BDP1: variants seen among roughly 807,000 people sequenced by gnomAD.
BDP1 encodes the protein transcription factor TFIIIB component B'' homolog.
BDP1 carries 169 observed loss-of-function variants against 266.6 expected under a neutral mutation model. The ratio of observed to expected loss-of-function variants is 0.63; its 90% CI spans 0.56 to 0.72. The LOEUF (loss-of-function observed/expected upper bound fraction) is 0.72, where lower values mean the gene tolerates loss of function less well. BDP1 is among the 30% of genes least tolerant of loss of function. BDP1 has a pLI of 0.00. For missense variants in BDP1, 3,015 were observed against 3,053.8 expected, an observed-to-expected ratio of 0.99 and a Z score of 0.30; for synonymous variants, 1,090 against 1,022.4, an observed-to-expected ratio of 1.07 and a Z score of -1.26.
At chr5:71,494,607 T>C (rs1192966590) in intron 11 of BDP1, 1 of 152,276 alleles carries the variant, frequency 6.6e-6, no homozygotes, top group Non-Finnish European at 1.5e-5. Context: ...CACAGTACCC[T>C]GCATAGCAAG....
chr5:71,481,934 G>A (rs989148693), intron 7 of BDP1, among the ~76,000 whole-genome samples: 1 of 152,082 alleles, frequency 6.6e-6, no homozygotes, highest in Non-Finnish European at 1.5e-5. Flanking sequence ...CTACATCCCT[G>A]GTAGAGAAAG....
intron 22 of BDP1, among the ~76,000 whole-genome samples, chr5:71,518,697 G>A (rs1459133271): frequency 5.3e-5 from 8 of 151,654 alleles, no homozygotes; most frequent in South Asian, 2.1e-4. Context: ...CAAGTGAACC[G>A]CCCATCTCGG....
In BDP1 at chr5:71,469,725, T is replaced by A. The variant is rs144201036; in HGVS notation, c.920-670T>A. ...GCCTCCCGGGTTCAAGCTATTCTTC[T>A]GCCTCAGCCTCCCCAGTAGCTGGGA... On this transcript the variant is annotated intron_variant, in intron 6 of 38. Transcript: ENST00000358731. 4.2e-3 allele frequency among the ~76,000 whole-genome samples: 637 copies of A among 152,196 alleles called. 10 individuals carry two copies. The highest frequency in any genetic ancestry group is 0.014 in the African/African-American group (595 of 41,538).
chr5:71,562,877 C>A, intron 38 of BDP1: 1 of 1,291,008 alleles, frequency 7.7e-7, no homozygotes, highest in Non-Finnish European at 1.0e-6. Context: ...ATTTCTATGT[C>A]TCCTGAAGCT....
chr5:71,505,703 A>G (rs1173911669), intron 16 of BDP1, among the ~76,000 whole-genome samples: 1 of 152,214 alleles, frequency 6.6e-6, no homozygotes, highest in Non-Finnish European at 1.5e-5. Flanking sequence ...GTATTAGCCT[A>G]TTTAAATAGT....
At chr5:71,496,872 T>TG (rs1763930193) in intron 12 of BDP1, among the ~76,000 whole-genome samples, 1 of 152,240 alleles carries the variant, frequency 6.6e-6, no homozygotes, top group African/African-American at 2.4e-5. Flanking sequence ...CGTGAGCCAC[T>TG]GCGCCCGGCC....
At chr5:71,511,324 C>T (rs1175416228) in intron 17 of BDP1, 173 bp downstream of exon 17, 5 of 656,288 alleles carry the variant, frequency 7.6e-6, no homozygotes, top group African/African-American at 1.8e-5. Flanking sequence ...ACTGTATGTT[C>T]TTTTTTAAAA....
intron 13 of BDP1, among the ~76,000 whole-genome samples, chr5:71,500,265 T>G (rs573563096): frequency 6.6e-6 from 1 of 151,512 alleles, no homozygotes; most frequent in Non-Finnish European, 1.5e-5. Flanking sequence ...CAAAAATTAC[T>G]TGTAATTTTT....
chr5:71,460,483 A>T (rs1761482769), intron 2 of BDP1, among the ~76,000 whole-genome samples: 1 of 152,172 alleles, frequency 6.6e-6, no homozygotes, highest in Non-Finnish European at 1.5e-5. Flanking sequence ...AGTTTTTTTT[A>T]AATTAAGGGA....
rs1761348208 is a variant in BDP1 at position 71,458,658 on chromosome 5, A to G, written c.292A>G (p.Ile98Val). 2 of 1,613,774 alleles carry G rather than the reference A, an allele frequency of 1.2e-6. No individual in the cohort carries two copies. Among genetic ancestry groups the G allele is most frequent in the South Asian group, 1.1e-5 (1 of 91,084 alleles). Reference protein sequence around the residue: ...SSTVSQRRKRISSTSSLVKSS... With the variant: ...SSTVSQRRKRVSSTSSLVKSS... Reference sequence around the variant, plus strand: ...TACTGTTTCACAGAGAAGAAAGCGAATATCAAGTACTTCTAGCCTGGTTAA... The same window carrying G: ...TACTGTTTCACAGAGAAGAAAGCGAGTATCAAGTACTTCTAGCCTGGTTAA... The change falls in exon 2 of 39, where the codon ATA becomes GTA. Residue 98 changes from isoleucine to valine, a missense_variant. Ile to Val is a conservative substitution (Grantham distance 29). Coordinates refer to ENST00000358731, the MANE Select transcript of BDP1 (RefSeq NM_018429.3).
At chr5:71,460,544 CTA>C (rs1220668919) in intron 2 of BDP1, among the ~76,000 whole-genome samples, 1 of 152,092 alleles carries the variant, frequency 6.6e-6, no homozygotes. Flanking sequence ...ATTATATCAA[CTA>C]TGTGAAGTAG....
Position 71,525,680 on chromosome 5 carries a change from C to CA in BDP1, c.5772+1357_5772+1358insA, listed in dbSNP as rs1554122193. Among the ~76,000 whole-genome samples, 21 of 107,950 alleles carry CA rather than the reference C, an allele frequency of 1.9e-4. 1 individual carries two copies. The South Asian group carries it at 5.2e-3, about 27-fold the overall frequency. 70.8% of individuals were successfully genotyped at this position (107,950 alleles called of 152,430 possible). A position where few individuals can be genotyped will look rare whatever the true frequency, so the allele number is the denominator to read the frequency against. Reference sequence around the variant, plus strand: ...CTTCCGGACGGGGTGGCTGGCCGGGCGGGGGGCTGACCCCCCACCTCCCTT... The same window carrying CA: ...CTTCCGGACGGGGTGGCTGGCCGGGCAGGGGGGCTGACCCCCCACCTCCCTT... On this transcript the variant is annotated intron_variant, in intron 25 of 38. Transcript: ENST00000358731.
chr5:71,570,689 C>T (rs1430469712), downstream of BDP1, among the ~76,000 whole-genome samples: 1 of 152,262 alleles, frequency 6.6e-6, no homozygotes, highest in Non-Finnish European at 1.5e-5. Context: ...TGCTGCCTGG[C>T]TTCTTCCAGT....
chr5:71,553,275 A>T lies in BDP1; in HGVS notation c.7155A>T (p.Lys2385Asn). Residue 2385 changes from lysine to asparagine, a missense_variant, in exon 35 of 39, where the codon AAA becomes AAT. Physicochemically the swap from Lys to Asn is moderately conservative, Grantham distance 94. This residue lies in a region of BDP1 where 629 missense variants were observed against 632.5 expected (regional missense o/e 0.99). Transcript: ENST00000358731. ...DKNDHIPPAK[K>N]RSLTLRDDCQ... ...ATGACCACATTCCTCCTGCCAAAAA[A>T]CGTTCACTCACTTTAAGAGATGACT... is the stretch of plus-strand genomic sequence containing the variant. 2 of 1,613,098 alleles carry T rather than the reference A, an allele frequency of 1.2e-6. No homozygotes were observed. Among genetic ancestry groups the T allele is most frequent in the South Asian group, 2.2e-5 (2 of 91,032 alleles).
intron 32 of BDP1, among the ~76,000 whole-genome samples, chr5:71,548,099 A>C (rs1742470723): frequency 1.3e-5 from 2 of 152,032 alleles, no homozygotes; most frequent in African/African-American, 4.8e-5. Flanking sequence ...CCTGGGCAAC[A>C]TGGCAAAACC....
chr5:71,507,087 G>T (rs774121655), intron 16 of BDP1, among the ~76,000 whole-genome samples: 19 of 152,094 alleles, frequency 1.2e-4, no homozygotes, highest in Non-Finnish European at 2.9e-5. Flanking sequence ...CTCCCAAAGT[G>T]CTGGGATTAT....
chr5:71,471,571 CAA>C (rs1246848012), intron 7 of BDP1, among the ~76,000 whole-genome samples: 7 of 152,204 alleles, frequency 4.6e-5, no homozygotes, highest in Non-Finnish European at 1.0e-4. Flanking sequence ...AACTTTGGGA[CAA>C]CCAGTGGCAC....
chr5:71,575,830 C>T, the BDP1 span, among the ~76,000 whole-genome samples: 2 of 152,196 alleles, frequency 1.3e-5, no homozygotes, highest in African/African-American at 4.8e-5. Context: ...AATATGTTTC[C>T]TACTGCTTAC....
downstream of BDP1, among the ~76,000 whole-genome samples, chr5:71,568,675 A>G (rs901688377): frequency 7.9e-5 from 12 of 152,212 alleles, no homozygotes; most frequent in African/African-American, 2.7e-4. Flanking sequence ...AGATTCACCT[A>G]TGTGGCAGGC....
Sources: allele counts gnomAD v4.1 joint callset (sites outside exome capture counted in the v4.1 genomes callset), GRCh38; gene constraint gnomAD v4.1.1; regional missense constraint gnomAD v4.1.1; transcripts MANE v1.5; gene names NCBI Gene and HGNC (gene_info 2026-07-23, HGNC 2026-07-21).